The following WDPCP variants were observed in gnomAD, a reference collection of about 807,000 sequenced individuals.
The protein encoded by WDPCP is WD repeat-containing and planar cell polarity effector protein fritz homolog.
In WDPCP, 71 loss-of-function variants were observed where a neutral mutation model predicts 93.1. That is an observed-to-expected ratio of 0.76 (90% CI 0.63 to 0.93). WDPCP has a LOEUF of 0.93. Ranked by LOEUF, WDPCP falls within the 40% of genes least tolerant of loss-of-function variation. The pLI is 0.00. For missense variants in WDPCP, 844 were observed against 887.4 expected (o/e 0.95, Z 0.62); for synonymous variants, 315 against 315.0 (o/e 1.00, Z 0.00).
intron 14 of WDPCP, 29 bp from the exon 15 acceptor site, chr2:63,174,861 A>G: frequency 6.2e-7 from 1 of 1,606,916 alleles, no homozygotes; most frequent in Non-Finnish European, 8.5e-7. Context: ...ATGTGAGTGA[A>G]ATACTAAGTA....
At chr2:63,164,917 G>C (rs1391991407) in intron 15 of WDPCP, among the ~76,000 whole-genome samples, 11 of 152,078 alleles carry the variant, frequency 7.2e-5, no homozygotes, top group African/African-American at 2.4e-4. Flanking sequence ...AATTACAAGG[G>C]TATTAAAATA....
At chr2:63,277,115 T>A (rs975125931) in intron 13 of WDPCP, among the ~76,000 whole-genome samples, 3 of 152,192 alleles carry the variant, frequency 2.0e-5, no homozygotes, top group Admixed American at 2.0e-4. Flanking sequence ...GAATTTTGTA[T>A]CCAGAGAAAC....
rs539861745 is a variant in WDPCP, at chr2:63,208,797, ACT to A, written c.1916-33967_1916-33966del. Among the ~76,000 whole-genome samples, 10 of 152,006 alleles carry A rather than the reference ACT, an allele frequency of 6.6e-5. No homozygotes were observed. The South Asian group carries it at 1.2e-3, about 19-fold the overall frequency. ...TTGTTGTTATTTTTGTTTGTGTGAG[ACT>A]CTGCTTTCATGGTCTGTATTTATAC... On this transcript the variant is annotated intron_variant, in intron 14 of 17. Transcript: ENST00000272321.
chr2:63,795,033 C>T (rs1433212367), intron 2 of WDPCP, among the ~76,000 whole-genome samples: 1 of 152,186 alleles, frequency 6.6e-6, no homozygotes, highest in Non-Finnish European at 1.5e-5. Flanking sequence ...GTGGAAAAAG[C>T]TCTGAGTCAT....
chr2:63,562,153 A>T (rs1231812330), intron 1 of WDPCP, among the ~76,000 whole-genome samples: 1 of 152,264 alleles, frequency 6.6e-6, no homozygotes, highest in African/African-American at 2.4e-5. Context: ...GGATAAAGAA[A>T]ATGTGGCACA....
chr2:63,237,987 A>AAAAT (rs1383750480), intron 14 of WDPCP, among the ~76,000 whole-genome samples: 1 of 150,854 alleles, frequency 6.6e-6, no homozygotes, highest in African/African-American at 2.4e-5. Flanking sequence ...ATGAAAATTA[A>AAAAT]AAATAAATAT....
intron 12 of WDPCP, among the ~76,000 whole-genome samples, chr2:63,315,022 G>C (rs1311148775): frequency 1.3e-5 from 2 of 152,080 alleles, no homozygotes; most frequent in East Asian, 3.8e-4. Context: ...CTGGCAGCAT[G>C]GTGAAACAGA....
intron 2 of WDPCP, among the ~76,000 whole-genome samples, chr2:63,702,442 A>G (rs577356257): frequency 1.3e-5 from 2 of 152,356 alleles, no homozygotes; most frequent in African/African-American, 4.8e-5. Context: ...AGAATTTAAA[A>G]AAGTTTTAAT....
intron 3 of WDPCP, among the ~76,000 whole-genome samples, chr2:63,648,308 G>A (rs1710074988): frequency 6.6e-6 from 1 of 152,132 alleles, no homozygotes; most frequent in African/African-American, 2.4e-5. Flanking sequence ...CCAGGGATGT[G>A]GGACTTTCAT....
intron 14 of WDPCP, among the ~76,000 whole-genome samples, chr2:63,232,146 G>A (rs1313273589): frequency 4.6e-5 from 7 of 152,154 alleles, no homozygotes; most frequent in Admixed American, 4.6e-4. Context: ...AGCTGAAACT[G>A]GATCCCTTCC....
At chr2:63,161,775 T>C (rs1672661403) in intron 15 of WDPCP, among the ~76,000 whole-genome samples, 1 of 151,802 alleles carries the variant, frequency 6.6e-6, no homozygotes, top group African/African-American at 2.4e-5. Flanking sequence ...TTCTTTTTTT[T>C]TTTTTTGACA....
At chr2:63,568,788 AG>A (rs1453329450) in intron 1 of WDPCP, among the ~76,000 whole-genome samples, 25 of 152,262 alleles carry the variant, frequency 1.6e-4, no homozygotes, top group Non-Finnish European at 1.5e-5. Flanking sequence ...CCTTCAAATA[AG>A]GAAGAGAAAC....
intron 13 of WDPCP, among the ~76,000 whole-genome samples, chr2:63,268,124 ATAT>A (rs1353369856): frequency 3.3e-5 from 5 of 152,190 alleles, no homozygotes; most frequent in African/African-American, 1.2e-4. Flanking sequence ...ACACAATGAG[ATAT>A]TATATATATA....
chr2:63,472,021 T>C (rs578104995), intron 6 of WDPCP, among the ~76,000 whole-genome samples: 1 of 152,274 alleles, frequency 6.6e-6, no homozygotes, highest in East Asian at 1.9e-4. Context: ...TGTGACAATT[T>C]AGAATTTTAG....
intron 14 of WDPCP, among the ~76,000 whole-genome samples, chr2:63,252,860 C>T (rs1012473389): frequency 6.6e-5 from 10 of 152,170 alleles, no homozygotes; most frequent in Non-Finnish European, 1.5e-4. Context: ...GGATTCAACT[C>T]TGTATCTATC....
At chr2:63,443,037 T>A (rs372722820) in intron 6 of WDPCP, 1 of 152,100 alleles carries the variant, frequency 6.6e-6, no homozygotes, top group South Asian at 2.1e-4. Flanking sequence ...CTATGGATCC[T>A]GCCAAGTGAG....
chr2:63,579,134 G>GTGCTC (rs1440136209), intron 1 of WDPCP, among the ~76,000 whole-genome samples: 2 of 152,104 alleles, frequency 1.3e-5, no homozygotes, highest in Non-Finnish European at 2.9e-5. Context: ...AAGATCATGT[G>GTGCTC]TGCTCTAAAC....
chr2:63,303,740 G>A (rs1012032425), intron 13 of WDPCP, among the ~76,000 whole-genome samples: 1 of 152,134 alleles, frequency 6.6e-6, no homozygotes, highest in South Asian at 2.1e-4. Flanking sequence ...TGGCTCTCTG[G>A]GGCAATGGGA....
intron 3 of WDPCP, among the ~76,000 whole-genome samples, chr2:63,611,855 G>C (rs1450580140): frequency 6.6e-6 from 1 of 152,146 alleles, no homozygotes; most frequent in African/African-American, 2.4e-5. Context: ...CTCTAACTCT[G>C]CTGGGAATAG....
Sources: allele counts gnomAD v4.1 joint callset (sites outside exome capture counted in the v4.1 genomes callset), GRCh38; gene constraint gnomAD v4.1.1; transcripts MANE v1.5; gene names NCBI Gene and HGNC (gene_info 2026-07-23, HGNC 2026-07-21).